Variants in FCRL3 observed in about 807,000 individuals in gnomAD.
FCRL3 encodes the protein Fc receptor like 3, also known as Fc receptor-like protein 3.
A neutral mutation model predicts 75.0 loss-of-function variants in FCRL3; 89 were observed. The ratio of observed to expected loss-of-function variants is 1.19; its 90% CI spans 1.00 to 1.42. The LOEUF (loss-of-function observed/expected upper bound fraction) is 1.42, where lower values mean the gene tolerates loss of function less well. FCRL3 is among the 40% of genes most tolerant of loss of function. FCRL3 has a pLI of 0.00. For missense variants in FCRL3, 946 were observed against 880.0 expected (o/e 1.07, Z -0.95); for synonymous variants, 376 against 348.5 (o/e 1.08, Z -0.88).
At chr1:157,686,053 ACT>A (rs936548798) in intron 10 of FCRL3, among the ~76,000 whole-genome samples, 4 of 152,054 alleles carry the variant, frequency 2.6e-5, no homozygotes, top group Non-Finnish European at 4.4e-5. Flanking sequence ...TGACTGCATG[ACT>A]CTCTAACTTG....
chr1:157,695,447 A>T lies in FCRL3; in HGVS notation c.1293T>A (p.Ser431=), dbSNP rs1274428504. ...AGAGGTTGAAGGAGGCTCCTCCTCC[A>T]GAGGGGGCTGAGCTGTTCCCCAGGG... is the stretch of plus-strand genomic sequence containing the variant. ...DVTLGNSSAP[S]GGGASFNLSL... The change falls in exon 8 of 15, where the codon TCT becomes TCA. Residue 431 remains serine, a synonymous_variant. Transcript: ENST00000368184. The T allele has an allele frequency of 6.2e-7, 1 of 1,614,110 alleles. No homozygotes were observed. Among genetic ancestry groups the T allele is most frequent in the African/African-American group, 1.3e-5 (1 of 74,940 alleles).
intron 11 of FCRL3, among the ~76,000 whole-genome samples, chr1:157,682,205 C>T (rs954443431): frequency 2.6e-5 from 4 of 152,168 alleles, no homozygotes; most frequent in Non-Finnish European, 5.9e-5. Flanking sequence ...CCTGTTCACT[C>T]TGATGGTAAT....
intron 12 of FCRL3, 89 bp downstream of exon 12, chr1:157,680,892 A>C (rs1029561850): frequency 3.5e-6 from 5 of 1,445,356 alleles, no homozygotes; most frequent in Non-Finnish European, 4.8e-6. Context: ...GTCATTTTTA[A>C]ATTTGTGACA....
At chr1:157,685,873 C>G (rs778704747) in intron 10 of FCRL3, among the ~76,000 whole-genome samples, 6 of 151,968 alleles carry the variant, frequency 3.9e-5, no homozygotes, top group Non-Finnish European at 8.8e-5. Flanking sequence ...AAAATTAATG[C>G]ATAAATAAAA....
At chr1:157,697,485 C>T in intron 5 of FCRL3, 61 bp from the exon 6 acceptor site, 1 of 1,495,792 alleles carries the variant, frequency 6.7e-7, no homozygotes, top group Non-Finnish European at 9.0e-7. Flanking sequence ...TAGAGAGATG[C>T]ATTTGTCATC....
rs1011481850 is a variant in FCRL3 at position 157,699,824 on chromosome 1, T to A, written c.32-112A>T. On this transcript the variant is annotated intron_variant, in intron 2 of 14. Transcript: ENST00000368184. ...ATCATTTCTTTGCTCCCTTTTTATA[T>A]CATCCAGAGCCCCTAAACAACAAAG... The A allele has an allele frequency of 9.4e-6, 11 of 1,164,836 alleles. No homozygotes were observed. In the African/African-American group the frequency reaches 1.7e-4, roughly 18 times the overall value. 72.2% of individuals were successfully genotyped at this position (1,164,836 alleles called of 1,614,324 possible). A position where few individuals can be genotyped will look rare whatever the true frequency, so the allele number is the denominator to read the frequency against.
chr1:157,679,376 A>C (rs995893220), intron 13 of FCRL3, among the ~76,000 whole-genome samples: 40 of 152,318 alleles, frequency 2.6e-4, no homozygotes, highest in African/African-American at 9.1e-4. Context: ...CTCTGGGAGA[A>C]GGAGGCAGAT....
At position 157,697,231 on chromosome 1, in the gene FCRL3, C is replaced by A. The variant is rs1478814000; in HGVS notation, c.753G>T (p.Trp251Cys). ...RSPRLQIPAM[W>C]TEDSGSYWCE... ...ACCAGTAAGACCCTGAGTCTTCAGTCCACATGGCAGGGATCTGGAGTCTGG... is the reference window on the plus strand; with the variant it reads ...ACCAGTAAGACCCTGAGTCTTCAGTACACATGGCAGGGATCTGGAGTCTGG... The change falls in exon 6 of 15, where the codon TGG becomes TGT. Residue 251 changes from tryptophan to cysteine, a missense_variant. Physicochemically the swap from Trp to Cys is radical, Grantham distance 215. Coordinates refer to ENST00000368184, the MANE Select transcript of FCRL3 (RefSeq NM_052939.4). 6.2e-7 allele frequency: 1 copy of A among 1,604,206 alleles called. No individual in the cohort carries two copies. The highest frequency in any genetic ancestry group is 1.1e-5 in the South Asian group (1 of 89,592).
In FCRL3 at chr1:157,697,538, C is replaced by A; in HGVS notation, c.560-114G>T. The A allele has an allele frequency of 2.1e-6, 3 of 1,457,138 alleles. No homozygotes were observed. In the South Asian group the frequency reaches 4.1e-5, roughly 20 times the overall value. The allele number at this position is 1,457,138 out of a possible 1,614,324, so 90.3% of individuals were successfully genotyped here. On this transcript the variant is annotated intron_variant, in intron 5 of 14. Transcript: ENST00000368184. ...GAGATAGAGAAGCATGCAGAAGGAA[C>A]CATCTCCCTCCCATGGCTGAGCCAT... is the stretch of plus-strand genomic sequence containing the variant.
At chr1:157,683,815 G>A (rs541651460) in intron 10 of FCRL3, among the ~76,000 whole-genome samples, 3 of 152,106 alleles carry the variant, frequency 2.0e-5, no homozygotes, top group Non-Finnish European at 2.9e-5. Context: ...CACTTGGCTA[G>A]CTCCGATTTA....
chr1:157,689,067 G>A (rs558921477), intron 10 of FCRL3, among the ~76,000 whole-genome samples: 26 of 152,288 alleles, frequency 1.7e-4, no homozygotes, highest in South Asian at 2.1e-4. Context: ...GTAATGGGGA[G>A]AGATTGAATA....
chr1:157,689,566 C>T (rs1013620064), intron 10 of FCRL3, among the ~76,000 whole-genome samples: 3 of 152,046 alleles, frequency 2.0e-5, no homozygotes, highest in African/African-American at 4.8e-5. Flanking sequence ...TAATTGGAAG[C>T]AAAACTCTGC....
rs1431984386 is a variant in FCRL3, at chr1:157,695,381, T to G, written c.1359A>C (p.Ala453=). Residue 453 remains alanine, a synonymous_variant, in exon 8 of 15, where the codon GCA becomes GCC. Transcript: ENST00000368184. The stretch of plus-strand genomic sequence containing the variant: ...TGTGCTGGGCCCCCAGGCCATTGTC[T>G]GCATCACAGGAGTAGTTTCCAGAAT... ...AEHSGNYSCD[A]DNGLGAQHSH... 1.2e-6 allele frequency: 2 copies of G among 1,614,266 alleles called. No individual in the cohort carries two copies. Among genetic ancestry groups the G allele is most frequent in the Non-Finnish European group, 1.7e-6 (2 of 1,180,034 alleles).
intron 10 of FCRL3, among the ~76,000 whole-genome samples, chr1:157,689,245 A>G (rs1403282153): frequency 6.6e-6 from 1 of 152,244 alleles, no homozygotes; most frequent in Admixed American, 6.5e-5. Context: ...CAACATGATC[A>G]TCTATATAGA....
In FCRL3 at chr1:157,697,832, T is replaced by G. The variant is rs1488422681; in HGVS notation, c.386A>C (p.His129Pro). The G allele has an allele frequency of 6.2e-7, 1 of 1,614,056 alleles. No homozygotes were observed. The highest frequency in any genetic ancestry group is 1.3e-5 in the African/African-American group (1 of 74,924). ...TCCATCCTTGTAGTAAACCTTTTGATGAGTGTTTTTGTTGTCTTTCCCCTG... is the reference window on the plus strand; with the variant it reads ...TCCATCCTTGTAGTAAACCTTTTGAGGAGTGTTTTTGTTGTCTTTCCCCTG... ...RCQGKDNKNT[H>P]QKVYYKDGKQ... The change falls in exon 5 of 15, where the codon CAT (histidine) becomes CCT (proline). Residue 129 changes from histidine to proline, a missense_variant. By Grantham distance (77) the His-to-Pro change is moderately conservative. Transcript: ENST00000368184.
At position 157,696,130 on chromosome 1, in the gene FCRL3, C is replaced by T. The variant is rs376010044; in HGVS notation, c.1042G>A (p.Val348Met). ...SLLAELHVLT[V>M]KESDAGRYYC... ...TATCTCCCTGCATCACTCTCCTTCA[C>T]GGTGAGAACATGCAGCTCTGCCAAC... Residue 348 changes from valine to methionine, a missense_variant, in exon 7 of 15, where the codon GTG (valine) becomes ATG (methionine). Coordinates refer to ENST00000368184, the MANE Select transcript of FCRL3 (RefSeq NM_052939.4). 66 of 1,613,844 alleles carry T rather than the reference C, an allele frequency of 4.1e-5. No individual in the cohort carries two copies. Among genetic ancestry groups the T allele is most frequent in the African/African-American group, 9.3e-5 (7 of 74,884 alleles).
In FCRL3 at chr1:157,690,539, G is replaced by A. The variant is rs1470169348; in HGVS notation, c.1412-6C>T. On this transcript the variant is annotated splice_polypyrimidine_tract_variant and splice_region_variant and intron_variant, in intron 8 of 14. Coordinates refer to ENST00000368184, the MANE Select transcript of FCRL3 (RefSeq NM_052939.4). ...GACGGGGCGAGACACCGGAACTGAG[G>A]GAGGAAAAATAGTTCACTGGCAGTT... 6.2e-7 allele frequency: 1 copy of A among 1,612,642 alleles called. No individual in the cohort carries two copies. Among genetic ancestry groups the A allele is most frequent in the South Asian group, 1.1e-5 (1 of 90,940 alleles).
chr1:157,682,821 T>C (rs541988166), intron 11 of FCRL3, among the ~76,000 whole-genome samples: 1 of 152,330 alleles, frequency 6.6e-6, no homozygotes, highest in African/African-American at 2.4e-5. Context: ...TTTCATTTCC[T>C]TCTGCAGTTA....
intron 10 of FCRL3, among the ~76,000 whole-genome samples, chr1:157,685,402 C>T (rs1341530928): frequency 6.6e-6 from 1 of 151,892 alleles, no homozygotes; most frequent in Non-Finnish European, 1.5e-5. Flanking sequence ...AATATATATG[C>T]ACCCAACATT....
Sources: allele counts gnomAD v4.1 joint callset (sites outside exome capture counted in the v4.1 genomes callset), GRCh38; gene constraint gnomAD v4.1.1; transcripts MANE v1.5; gene names NCBI Gene and HGNC (gene_info 2026-07-23, HGNC 2026-07-21).